Variants in THSD7B observed in about 807,000 individuals in gnomAD.
THSD7B encodes thrombospondin type-1 domain-containing protein 7B.
Under a neutral mutation model 213.6 loss-of-function variants are expected in THSD7B, and 138 were observed. That is an observed-to-expected ratio of 0.65 (90% confidence interval 0.56 to 0.74). The LOEUF (loss-of-function observed/expected upper bound fraction) is 0.74. Ranked by LOEUF, THSD7B falls within the 30% of genes least tolerant of loss-of-function variation. The probability of loss-of-function intolerance (pLI) is 0.00; values close to 1 mark genes in which losing one functional copy is unlikely to be tolerated. For synonymous variants in THSD7B, 742 were observed against 687.0 expected (o/e 1.08, Z -1.25); for missense variants, 1,931 against 1,991.5 (o/e 0.97, Z 0.58).
At chr2:137,267,901 T>C (rs1682634415) in intron 10 of THSD7B, among the ~76,000 whole-genome samples, 1 of 152,200 alleles carries the variant, frequency 6.6e-6, no homozygotes, top group Non-Finnish European at 1.5e-5. Flanking sequence ...GAGTATTCAG[T>C]GGAAAAGGAG....
At chr2:137,164,746 T>G (rs555782279) in intron 6 of THSD7B, among the ~76,000 whole-genome samples, 1 of 152,258 alleles carries the variant, frequency 6.6e-6, no homozygotes, top group East Asian at 1.9e-4. Flanking sequence ...TGGATGAAGC[T>G]GGAAACCATC....
chr2:137,120,064 T>G (rs1688520591), intron 5 of THSD7B, among the ~76,000 whole-genome samples: 1 of 152,144 alleles, frequency 6.6e-6, no homozygotes, highest in Non-Finnish European at 1.5e-5. Context: ...GCAATGAGAC[T>G]GTTTAAGTGG....
chr2:137,067,172 G>C (rs1333955073), intron 3 of THSD7B, among the ~76,000 whole-genome samples: 2 of 152,026 alleles, frequency 1.3e-5, no homozygotes, highest in African/African-American at 4.8e-5. Flanking sequence ...TAAAATCTCT[G>C]CCATATCTGA....
intron 12 of THSD7B, among the ~76,000 whole-genome samples, chr2:137,335,486 T>A (rs1186787367): frequency 6.6e-6 from 1 of 152,236 alleles, no homozygotes; most frequent in African/African-American, 2.4e-5. Flanking sequence ...TTTTCCCCTC[T>A]TGGAAGTAGT....
chr2:137,270,131 G>T (rs1211613245), intron 10 of THSD7B, among the ~76,000 whole-genome samples: 1 of 151,380 alleles, frequency 6.6e-6, no homozygotes, highest in African/African-American at 2.4e-5. Context: ...TAGGAACTGT[G>T]GCTTTTGTTA....
At chr2:137,000,422 G>A (rs181176418) in intron 2 of THSD7B, among the ~76,000 whole-genome samples, 1 of 152,194 alleles carries the variant, frequency 6.6e-6, no homozygotes, top group East Asian at 1.9e-4. Context: ...ATTTTAATAT[G>A]CATCATAATT....
intron 5 of THSD7B, among the ~76,000 whole-genome samples, chr2:137,146,143 T>C (rs994432541): frequency 2.0e-5 from 3 of 152,148 alleles, no homozygotes; most frequent in Admixed American, 2.0e-4. Flanking sequence ...GTTTTTAAGT[T>C]TCCATGTTCT....
At chr2:137,608,825 C>A (rs760004520) in intron 17 of THSD7B, among the ~76,000 whole-genome samples, 2 of 152,206 alleles carry the variant, frequency 1.3e-5, no homozygotes, top group African/African-American at 4.8e-5. Context: ...TAGGAAGAGA[C>A]AGTCTTCACT....
chr2:137,395,834 T>C (rs938392163), intron 12 of THSD7B, among the ~76,000 whole-genome samples: 1 of 149,864 alleles, frequency 6.7e-6, no homozygotes, highest in African/African-American at 2.5e-5. Flanking sequence ...ATTGCCACAA[T>C]TTCAGCTCCT....
intron 7 of THSD7B, among the ~76,000 whole-genome samples, chr2:137,204,440 T>C (rs1680941502): frequency 6.6e-6 from 1 of 152,108 alleles, no homozygotes; most frequent in African/African-American, 2.4e-5. Flanking sequence ...TGAATTTTTC[T>C]TAGAGTTATT....
chr2:136,930,031 C>A (rs747477767), intron 2 of THSD7B, among the ~76,000 whole-genome samples: 1 of 152,216 alleles, frequency 6.6e-6, no homozygotes, highest in South Asian at 2.1e-4. Context: ...CTGCAAAGGG[C>A]ATGAAAATCA....
At chr2:137,392,273 A>G (rs779874709) in intron 12 of THSD7B, among the ~76,000 whole-genome samples, 2 of 152,200 alleles carry the variant, frequency 1.3e-5, no homozygotes, top group Non-Finnish European at 2.9e-5. Flanking sequence ...CATTTAGTCT[A>G]AAGTCCAATT....
At chr2:137,034,011 A>G (rs1558894427) in intron 2 of THSD7B, among the ~76,000 whole-genome samples, 1 of 135,262 alleles carries the variant, frequency 7.4e-6, no homozygotes, top group Non-Finnish European at 1.5e-5. Flanking sequence ...AAGTGTTCTC[A>G]TTGTTGAGTT....
intron 2 of THSD7B, among the ~76,000 whole-genome samples, chr2:137,012,109 ATCTT>A (rs1686241651): frequency 6.6e-6 from 1 of 152,238 alleles, no homozygotes; most frequent in Non-Finnish European, 1.5e-5. Context: ...AAACAGTATA[ATCTT>A]CACAACAATC....
chr2:137,039,722 G>C (rs1312493902), intron 2 of THSD7B, among the ~76,000 whole-genome samples: 1 of 152,226 alleles, frequency 6.6e-6, no homozygotes, highest in Non-Finnish European at 1.5e-5. Flanking sequence ...ACACAGTGCT[G>C]AATGGCAAAA....
At chr2:136,947,540 C>G (rs1418300526) in intron 2 of THSD7B, among the ~76,000 whole-genome samples, 1 of 152,128 alleles carries the variant, frequency 6.6e-6, no homozygotes, top group Non-Finnish European at 1.5e-5. Context: ...CTAAACATTT[C>G]TGATGATAGA....
At chr2:137,347,468 A>G (rs1684899857) in intron 12 of THSD7B, among the ~76,000 whole-genome samples, 1 of 151,264 alleles carries the variant, frequency 6.6e-6, no homozygotes, top group Non-Finnish European at 1.5e-5. Flanking sequence ...GACTCCGGGG[A>G]GCTGGAGTGA....
At position 136,990,233 on chromosome 2, in the gene THSD7B, G is replaced by A. The variant is rs118011358; in HGVS notation, c.140-66187G>A. On this transcript the variant is annotated intron_variant, in intron 2 of 27. Coordinates refer to ENST00000409968, the MANE Select transcript of THSD7B (RefSeq NM_001316349.2). ...CTCATTGATTGCATTTTCCACTAAT[G>A]TCCTGCCTAGTTTATGTTCTCATAC... Among the ~76,000 whole-genome samples, 11 of 152,308 alleles carry A rather than the reference G, an allele frequency of 7.2e-5. No individual in the cohort carries two copies. In the East Asian group the frequency reaches 2.1e-3, roughly 29 times the overall value.
At chr2:137,051,149 C>G (rs796077055) in intron 2 of THSD7B, among the ~76,000 whole-genome samples, 8 of 152,252 alleles carry the variant, frequency 5.3e-5, no homozygotes, top group African/African-American at 1.7e-4. Flanking sequence ...ATTGTTAATA[C>G]TGTGTATAAA....
Sources: allele counts gnomAD v4.1 joint callset (sites outside exome capture counted in the v4.1 genomes callset), GRCh38; gene constraint gnomAD v4.1.1; transcripts MANE v1.5; gene names NCBI Gene and HGNC (gene_info 2026-07-23, HGNC 2026-07-21).